TCF12: variants seen among roughly 807,000 people sequenced by gnomAD.
TCF12 encodes DNA-binding protein HTF4.
TCF12 carries 45 observed loss-of-function variants against 86.0 expected under a neutral mutation model. The observed-to-expected ratio is 0.52, with a 90% CI of 0.41 to 0.67. TCF12 has a LOEUF of 0.67. Ranked by LOEUF, TCF12 falls within the 30% of genes least tolerant of loss-of-function variation. The probability of loss-of-function intolerance (pLI) is 0.00; values close to 1 mark genes in which losing one functional copy is unlikely to be tolerated. For missense variants in TCF12, 881 were observed against 859.9 expected, an observed-to-expected ratio of 1.02 and a Z score of -0.31; for synonymous variants, 330 against 299.6, an observed-to-expected ratio of 1.10 and a Z score of -1.05.
At chr15:56,973,493 A>G (rs1401445518) in intron 3 of TCF12, among the ~76,000 whole-genome samples, 1 of 152,130 alleles carries the variant, frequency 6.6e-6, no homozygotes, top group African/African-American at 2.4e-5. Context: ...ATGAGTACAT[A>G]CAGATGTAAA....
chr15:57,137,934 G>T (rs1397952677), intron 5 of TCF12, among the ~76,000 whole-genome samples: 1 of 152,126 alleles, frequency 6.6e-6, no homozygotes, highest in Non-Finnish European at 1.5e-5. Flanking sequence ...GGCTGAGGCA[G>T]GAGAATCATT....
At chr15:57,014,862 TTTA>T (rs139828642) in intron 3 of TCF12, among the ~76,000 whole-genome samples, 29,074 of 145,184 alleles carry the variant, frequency 0.2, 3,243 homozygotes, top group Non-Finnish European at 0.25. Context: ...TCTCTGGACC[TTTA>T]TTATTATTAT....
chr15:57,065,360 A>T (rs1348697369), intron 4 of TCF12, among the ~76,000 whole-genome samples: 2 of 152,200 alleles, frequency 1.3e-5, no homozygotes, highest in Non-Finnish European at 2.9e-5. Flanking sequence ...GAGGCTACTT[A>T]AACTGGTTGA....
chr15:56,964,256 A>G (rs1414306439), intron 3 of TCF12, among the ~76,000 whole-genome samples: 1 of 152,206 alleles, frequency 6.6e-6, no homozygotes, highest in Non-Finnish European at 1.5e-5. Context: ...ATGCATTCTG[A>G]TATGAGTTGC....
intron 3 of TCF12, among the ~76,000 whole-genome samples, chr15:56,936,523 T>C (rs2060477139): frequency 6.6e-6 from 1 of 152,170 alleles, no homozygotes; most frequent in Admixed American, 6.5e-5. Flanking sequence ...GTCACATTGC[T>C]TTTGGGTTCT....
At chr15:56,947,840 C>CA (rs2061077989) in intron 3 of TCF12, among the ~76,000 whole-genome samples, 1 of 152,156 alleles carries the variant, frequency 6.6e-6, no homozygotes, top group African/African-American at 2.4e-5. Flanking sequence ...TATTACAATG[C>CA]AATGTAAGTG....
intron 3 of TCF12, among the ~76,000 whole-genome samples, chr15:57,005,017 C>T (rs1319142366): frequency 6.6e-6 from 1 of 152,078 alleles, no homozygotes; most frequent in Non-Finnish European, 1.5e-5. Context: ...AACTTTGTGC[C>T]TGAGGGAGAG....
intron 5 of TCF12, among the ~76,000 whole-genome samples, chr15:57,158,961 G>A (rs2054308673): frequency 6.6e-6 from 1 of 152,174 alleles, no homozygotes. Flanking sequence ...AAATAGGCAA[G>A]CATTTATTTA....
intron 3 of TCF12, among the ~76,000 whole-genome samples, chr15:56,945,964 A>G (rs550264296): frequency 6.6e-6 from 1 of 152,298 alleles, no homozygotes; most frequent in Non-Finnish European, 1.5e-5. Context: ...TAGCTACAGC[A>G]TGAAGGCCCT....
In TCF12 at chr15:57,036,073, A is replaced by C. The variant is rs1405486439; in HGVS notation, c.149-27677A>C. Among the ~76,000 whole-genome samples, 12 of 132,020 alleles carry C rather than the reference A, an allele frequency of 9.1e-5. No individual in the cohort carries two copies. The Admixed American group carries it at 9.5e-4, about 11-fold the overall frequency. 86.6% of individuals were successfully genotyped at this position (132,020 alleles called of 152,430 possible). ...CCCCCCACCCCCAGCTCCTGGTGCCAGAAGGGTTGGAGACTGCTGCCTTGA... is the reference window on the plus strand; with the variant it reads ...CCCCCCACCCCCAGCTCCTGGTGCCCGAAGGGTTGGAGACTGCTGCCTTGA... On this transcript the variant is annotated intron_variant, in intron 3 of 20. Coordinates refer to ENST00000333725, the MANE Select transcript of TCF12 (RefSeq NM_207037.2).
At chr15:57,203,735 G>A (rs1481629321) in intron 8 of TCF12, among the ~76,000 whole-genome samples, 23 of 152,160 alleles carry the variant, frequency 1.5e-4, no homozygotes, top group African/African-American at 5.6e-4. Flanking sequence ...CTCTCAAAGT[G>A]TAATTTACCC....
chr15:57,236,100 T>A (rs1162964555), intron 12 of TCF12, among the ~76,000 whole-genome samples: 1 of 152,160 alleles, frequency 6.6e-6, no homozygotes, highest in African/African-American at 2.4e-5. Flanking sequence ...AGCAGCCAGG[T>A]CATTCCATAA....
At chr15:57,290,540 C>G (rs1360673735), downstream of TCF12, among the ~76,000 whole-genome samples, 1 of 152,084 alleles carries the variant, frequency 6.6e-6, no homozygotes, top group Non-Finnish European at 1.5e-5. Flanking sequence ...TCACACCATG[C>G]TGCAGGTTTG....
chr15:57,056,910 T>C (rs1436904342), intron 3 of TCF12, among the ~76,000 whole-genome samples: 1 of 152,214 alleles, frequency 6.6e-6, no homozygotes, highest in East Asian at 1.9e-4. Context: ...TGGGTCATCT[T>C]GCTGTTGGCC....
intron 3 of TCF12, among the ~76,000 whole-genome samples, chr15:57,005,411 TGGAATAAACTTGA>T (rs2064303117): frequency 6.6e-6 from 1 of 152,180 alleles, no homozygotes; most frequent in South Asian, 2.1e-4. Context: ...CAGTGGTCTG[TGGAATAAACTTGA>T]GGAAATGCTG....
chr15:57,266,509 A>C (rs762909098), intron 18 of TCF12, among the ~76,000 whole-genome samples: 2 of 152,198 alleles, frequency 1.3e-5, no homozygotes, highest in Non-Finnish European at 2.9e-5. Flanking sequence ...TCAGAGCTGA[A>C]AATATTTACC....
rs570576339 is a variant in TCF12 at position 57,286,864 on chromosome 15, A to G, written c.*719A>G. 8.3e-6 allele frequency: 3 copies of G among 359,538 alleles called. No homozygotes were observed. The East Asian group carries it at 2.2e-4, about 26-fold the overall frequency. The allele number at this position is 359,538 out of a possible 1,614,324, so 22.3% of individuals were successfully genotyped here. ...CTAAATCTGAACAGTTTATGGTCAC[A>G]GTCCAGCCTCCTCCGTGCAGCCCTG... On this transcript the variant is annotated 3_prime_UTR_variant, in exon 21 of 21. Transcript: ENST00000333725.
At chr15:57,088,215 C>A (rs918489294) in intron 4 of TCF12, among the ~76,000 whole-genome samples, 1 of 152,168 alleles carries the variant, frequency 6.6e-6, no homozygotes, top group African/African-American at 2.4e-5. Flanking sequence ...AACCTATGTT[C>A]TCCAGCCTGT....
chr15:57,011,155 GGTGT>G (rs1468717162), intron 3 of TCF12, among the ~76,000 whole-genome samples: 1 of 152,076 alleles, frequency 6.6e-6, no homozygotes, highest in Non-Finnish European at 1.5e-5. Flanking sequence ...ATGTGGTTTG[GGTGT>G]TTGTGCCCTC....
Sources: allele counts gnomAD v4.1 joint callset (sites outside exome capture counted in the v4.1 genomes callset), GRCh38; gene constraint gnomAD v4.1.1; transcripts MANE v1.5; gene names NCBI Gene and HGNC (gene_info 2026-07-23, HGNC 2026-07-21).